Variants in BABAM2 observed in about 807,000 individuals in gnomAD.
BABAM2 encodes BRISC and BRCA1-A complex member 2.
A neutral mutation model predicts 54.7 loss-of-function variants in BABAM2; 31 were observed. That is an observed-to-expected ratio of 0.57 (90% CI 0.43 to 0.77). The LOEUF is 0.77. Among genes scored for constraint, BABAM2 ranks in the 30% least tolerant of loss-of-function variants. The probability of loss-of-function intolerance (pLI) is 0.00; values close to 1 mark genes in which losing one functional copy is unlikely to be tolerated. For synonymous variants in BABAM2, 167 were observed against 162.9 expected, an observed-to-expected ratio of 1.03 and a Z score of -0.19; for missense variants, 364 against 455.8, an observed-to-expected ratio of 0.80 and a Z score of 1.83.
At chr2:28,128,859 C>T (rs976236654) in intron 6 of BABAM2, among the ~76,000 whole-genome samples, 5 of 151,278 alleles carry the variant, frequency 3.3e-5, no homozygotes, top group African/African-American at 1.2e-4. Flanking sequence ...AAATAGCTTA[C>T]AACATACTGT....
chr2:27,907,062 A>G (rs543285312), intron 2 of BABAM2, among the ~76,000 whole-genome samples: 1 of 152,106 alleles, frequency 6.6e-6, no homozygotes, highest in Non-Finnish European at 1.5e-5. Context: ...GAAATGTAGA[A>G]CAGCCTCTTT....
Position 27,961,875 on chromosome 2 carries a change from G to T in BABAM2, c.206-26118G>T, listed in dbSNP as rs537824270. On this transcript the variant is annotated intron_variant, in intron 3 of 11. Transcript: ENST00000379624. ...CCTGAGTAGCTGGGACTACAGGCAT[G>T]CACCCCCGCATCTGGCTAATTTTTA... Among the ~76,000 whole-genome samples, 84 of 151,590 alleles carry T rather than the reference G, an allele frequency of 5.5e-4. 1 individual carries two copies. The South Asian group carries it at 0.012, about 22-fold the overall frequency.
intron 4 of BABAM2, among the ~76,000 whole-genome samples, chr2:28,021,104 T>A (rs1183681236): frequency 6.6e-6 from 1 of 152,208 alleles, no homozygotes; most frequent in African/African-American, 2.4e-5. Flanking sequence ...GATATAAACA[T>A]TGTTTCTCAT....
intron 3 of BABAM2, among the ~76,000 whole-genome samples, chr2:27,943,277 T>C (rs1573226978): frequency 6.6e-6 from 1 of 152,228 alleles, no homozygotes; most frequent in African/African-American, 2.4e-5. Context: ...AGTATTTTAG[T>C]GGACTGAATC....
intron 3 of BABAM2, among the ~76,000 whole-genome samples, chr2:27,943,686 A>G (rs1050902564): frequency 1.3e-5 from 2 of 152,200 alleles, no homozygotes; most frequent in Admixed American, 6.5e-5. Context: ...GATGCTGTCT[A>G]GGGACTTAGT....
At chr2:28,070,748 G>A (rs1664061207) in intron 6 of BABAM2, among the ~76,000 whole-genome samples, 1 of 152,088 alleles carries the variant, frequency 6.6e-6, no homozygotes, top group Admixed American at 6.5e-5. Flanking sequence ...TTTTCAAAAA[G>A]AGGTTAAGCA....
intron 6 of BABAM2, among the ~76,000 whole-genome samples, chr2:28,123,127 C>T (rs553352479): frequency 6.3e-4 from 96 of 152,254 alleles, no homozygotes; most frequent in African/African-American, 2.3e-3. Context: ...TGCATTAATT[C>T]CATTTTTTCC....
chr2:28,144,086 G>C (rs1671295762), intron 7 of BABAM2, among the ~76,000 whole-genome samples: 1 of 152,194 alleles, frequency 6.6e-6, no homozygotes, highest in Admixed American at 6.5e-5. Flanking sequence ...CATAATTTCT[G>C]TATAACTCAG....
intron 6 of BABAM2, among the ~76,000 whole-genome samples, chr2:28,101,925 T>A (rs184043752): frequency 1.3e-5 from 2 of 152,300 alleles, no homozygotes; most frequent in Admixed American, 1.3e-4. Context: ...TTCAGGAATG[T>A]GTGTTTTTTA....
At chr2:28,306,657 A>C (rs1286183675) in intron 11 of BABAM2, among the ~76,000 whole-genome samples, 2 of 151,666 alleles carry the variant, frequency 1.3e-5, no homozygotes, top group African/African-American at 4.8e-5. Flanking sequence ...TAGTCTTAAC[A>C]TGTCTGCCTT....
intron 6 of BABAM2, among the ~76,000 whole-genome samples, chr2:28,059,957 T>C (rs948920310): frequency 3.9e-5 from 6 of 152,162 alleles, no homozygotes; most frequent in Admixed American, 3.3e-4. Flanking sequence ...TAGAAAATCT[T>C]TGGGAAAATT....
intron 2 of BABAM2, among the ~76,000 whole-genome samples, chr2:27,917,087 G>A (rs1667030832): frequency 6.7e-6 from 1 of 148,458 alleles, no homozygotes; most frequent in Non-Finnish European, 1.5e-5. Context: ...GCACGATCTC[G>A]GCTCACTGCA....
In BABAM2 at chr2:28,241,528, T is replaced by C. The variant is rs1345753378; in HGVS notation, c.851+135T>C. 6.4e-6 allele frequency: 5 copies of C among 782,238 alleles called. No homozygotes were observed. In the Admixed American group the frequency reaches 8.9e-5, roughly 14 times the overall value. The allele number at this position is 782,238 out of a possible 1,614,324, so 48.5% of individuals were successfully genotyped here. A position where few individuals can be genotyped will look rare whatever the true frequency, so the allele number is the denominator to read the frequency against. The stretch of plus-strand genomic sequence containing the variant: ...TTTTTTTTTTTTGAGACAGTCTCGC[T>C]CTGTCACCCAGGCTGGAGTGTAATG... On this transcript the variant is annotated intron_variant, in intron 9 of 11. Transcript: ENST00000379624.
chr2:27,961,831 G>C (rs907094201), intron 3 of BABAM2, among the ~76,000 whole-genome samples: 5 of 147,892 alleles, frequency 3.4e-5, no homozygotes, highest in Non-Finnish European at 7.4e-5. Context: ...AGGCTCAAGT[G>C]ATCCTCCCAT....
At chr2:28,149,999 T>C (rs1370234897) in intron 7 of BABAM2, among the ~76,000 whole-genome samples, 1 of 152,178 alleles carries the variant, frequency 6.6e-6, no homozygotes, top group Admixed American at 6.5e-5. Flanking sequence ...TCTTCCATTA[T>C]ATAGGGGAGA....
intron 2 of BABAM2, among the ~76,000 whole-genome samples, chr2:27,916,092 A>G (rs60339724): frequency 0.083 from 12,638 of 152,262 alleles, 836 homozygotes; most frequent in African/African-American, 0.18. Flanking sequence ...CTGCTAGTAC[A>G]TTCCCTTGAG....
intron 11 of BABAM2, chr2:28,309,522 G>A (rs1688874232): frequency 2.0e-5 from 3 of 152,500 alleles, no homozygotes; most frequent in Admixed American, 2.0e-4. Context: ...TCCAGCATAA[G>A]GTCTGGCATA....
At chr2:27,894,408 A>G (rs1015681969) in intron 1 of BABAM2, 125 bp from the exon 2 acceptor site, 13 of 945,454 alleles carry the variant, frequency 1.4e-5, no homozygotes, top group Non-Finnish European at 1.9e-5. Flanking sequence ...AGGCTGCGCT[A>G]GAGATGGGAA....
chr2:28,185,303 G>C (rs188162185), intron 7 of BABAM2, among the ~76,000 whole-genome samples: 1 of 152,132 alleles, frequency 6.6e-6, no homozygotes, highest in Admixed American at 6.5e-5. Context: ...TTTGTGTTTG[G>C]GTCTGTTTCT....
Sources: gnomAD v4.1 joint callset for allele counts (sites outside exome capture counted in the v4.1 genomes callset) on GRCh38, gnomAD v4.1.1 for gene constraint, MANE v1.5 for transcripts, NCBI Gene and HGNC (gene_info 2026-07-23, HGNC 2026-07-21) for gene names.